Variants in PRSS53 observed in about 807,000 individuals in gnomAD.
PRSS53 encodes EDTP308.
Under a neutral mutation model 62.7 loss-of-function variants are expected in PRSS53, and 54 were observed. The observed-to-expected ratio is 0.86, with a 90% CI of 0.69 to 1.08. The LOEUF (loss-of-function observed/expected upper bound fraction) is 1.08, where lower values mean the gene tolerates loss of function less well. PRSS53 is among the 50% of genes least tolerant of loss of function. The pLI is 0.00. For synonymous variants in PRSS53, 273 were observed against 300.0 expected, an observed-to-expected ratio of 0.91 and a Z score of 0.93; for missense variants, 688 against 728.3, an observed-to-expected ratio of 0.94 and a Z score of 0.64.
At chr16:31,088,552 C>T (rs1481360824) in intron 1 of PRSS53, 200 bp downstream of exon 1, 5 of 1,434,846 alleles carry the variant, frequency 3.5e-6, no homozygotes, top group Non-Finnish European at 4.6e-6. Context: ...ACGCAAACTG[C>T]AGCTGGCCCG....
chr16:31,086,160 C>G (rs369984928), exon 6 of PRSS53: 1 of 1,611,998 alleles, frequency 6.2e-7, no homozygotes, highest in South Asian at 1.1e-5. Context: ...GCTCGAGGCA[C>G]AGCACAGGGC....
chr16:31,088,839 T>G (rs1469099718), exon 1 of PRSS53: 5 of 1,612,928 alleles, frequency 3.1e-6, no homozygotes, highest in Non-Finnish European at 4.2e-6. Context: ...CCACCTGTGC[T>G]CCACTCTGAG....
chr16:31,085,224 C>T (rs902359614), exon 7 of PRSS53: 2 of 1,599,440 alleles, frequency 1.3e-6, no homozygotes, highest in African/African-American at 1.3e-5. Context: ...GGAGGGTGCT[C>T]CTGCCTGGGG....
intron 9 of PRSS53, 106 bp downstream of exon 9, chr16:31,084,452 G>T: frequency 6.7e-7 from 1 of 1,494,330 alleles, no homozygotes; most frequent in Non-Finnish European, 9.0e-7. Flanking sequence ...CTTAGTTTCA[G>T]GTGGGAGGTG....
intron 10 of PRSS53, 149 bp from the exon 11 acceptor site, chr16:31,083,958 A>G: frequency 1.3e-6 from 2 of 1,508,672 alleles, no homozygotes; most frequent in Non-Finnish European, 1.8e-6. Context: ...AGCCTGCTCC[A>G]AGTCACACGA....
rs763187105 is a variant in PRSS53, at chr16:31,085,951, G to A, written c.883+13C>T. ...AGTGGCTTCTGCCCACTCCCAGCAT[G>A]CCCCACTCGTACCTACACAGCTGTC... On this transcript the variant is annotated intron_variant, in intron 6 of 10. Transcript: ENST00000280606. 3 of 1,600,498 alleles carry A rather than the reference G, an allele frequency of 1.9e-6. No individual in the cohort carries two copies. Among genetic ancestry groups the A allele is most frequent in the South Asian group, 2.2e-5 (2 of 90,846 alleles).
rs1286102429 is a variant in PRSS53 at position 31,088,264 on chromosome 16, AC to A, written c.59-439del. The A allele has an allele frequency of 2.7e-6, 3 of 1,131,824 alleles. No individual in the cohort carries two copies. The African/African-American group carries it at 4.8e-5, about 18-fold the overall frequency. The allele number at this position is 1,131,824 out of a possible 1,614,324, so 70.1% of individuals were successfully genotyped here. On this transcript the variant is annotated intron_variant, in intron 1 of 10. Coordinates refer to ENST00000280606, the Ensembl canonical transcript of PRSS53. ...GGAGGGCCCCAAGAAATGGAGACTT[AC>A]CTCACCCTGGTCTAGAGACTCAGTC...
In PRSS53 at chr16:31,087,902, G is replaced by A. The variant is rs547542056; in HGVS notation, c.59-76C>T. 6 of 1,590,036 alleles carry A rather than the reference G, an allele frequency of 3.8e-6. No homozygotes were observed. The East Asian group carries it at 1.4e-4, about 37-fold the overall frequency. ...CTTTGGGGAGGAGAGGGGATGGGCT[G>A]GGGGGCGGGCCCAGGGTCCTTGCCT... On this transcript the variant is annotated intron_variant, in intron 1 of 10. Transcript: ENST00000280606.
At chr16:31,085,172 C>T in exon 7 of PRSS53, 2 of 1,610,524 alleles carry the variant, frequency 1.2e-6, no homozygotes, top group Non-Finnish European at 1.7e-6. Flanking sequence ...CGCCACAGGC[C>T]AGCTGTCCCT....
chr16:31,083,500 A>G (rs2057192752), exon 11 of PRSS53: 2 of 1,333,482 alleles, frequency 1.5e-6, no homozygotes, highest in South Asian at 2.1e-5. Context: ...AAAAAAAGAA[A>G]TTTTCAAAAC....
chr16:31,084,923 C>G (rs1400836912), exon 8 of PRSS53: 1 of 1,543,718 alleles, frequency 6.5e-7, no homozygotes. Flanking sequence ...GTCGTAGCCC[C>G]CCTCAGGGTG....
Position 31,085,039 on chromosome 16 carries a change from T to C in PRSS53, c.1035-15A>G. 1 of 1,607,296 alleles carries C rather than the reference T, an allele frequency of 6.2e-7. No homozygotes were observed. The highest frequency in any genetic ancestry group is 1.1e-5 in the South Asian group (1 of 89,850). On this transcript the variant is annotated splice_polypyrimidine_tract_variant and intron_variant, in intron 7 of 10. Coordinates refer to ENST00000280606, the Ensembl canonical transcript of PRSS53. Reference sequence around the variant, plus strand: ...GGGCCTGGCGCCTGTGCAGAGGCAGTGTGGACGGCACCAGGTGACAGGGCT... The same window carrying C: ...GGGCCTGGCGCCTGTGCAGAGGCAGCGTGGACGGCACCAGGTGACAGGGCT...
chr16:31,086,927 G>A, intron 3 of PRSS53, 29 bp from the exon 4 acceptor site: 2 of 1,564,662 alleles, frequency 1.3e-6, no homozygotes, highest in Non-Finnish European at 1.7e-6. Flanking sequence ...GGTCCAGGCT[G>A]CTGAGTGCAA....
rs557225967 is a variant in PRSS53 at position 31,088,473 on chromosome 16, G to A, written c.58+279C>T. 2.8e-5 allele frequency: 37 copies of A among 1,314,736 alleles called. No individual in the cohort carries two copies. In the Admixed American group the frequency reaches 9.0e-4, roughly 32 times the overall value. 81.4% of individuals were successfully genotyped at this position (1,314,736 alleles called of 1,614,324 possible). The stretch of plus-strand genomic sequence containing the variant: ...TTTGCCTGACGTCATTGTGGAAGTC[G>A]AGGGGGAGGCAGGCACAGGACACAC... On this transcript the variant is annotated intron_variant, in intron 1 of 10. Coordinates refer to ENST00000280606, the Ensembl canonical transcript of PRSS53.
chr16:31,087,921 C>T (rs978715321), intron 1 of PRSS53, 95 bp from the exon 2 acceptor site: 2 of 1,570,022 alleles, frequency 1.3e-6, no homozygotes, highest in Non-Finnish European at 1.7e-6. Context: ...GCCCAGGGTC[C>T]TTGCCTGTGA....
chr16:31,086,278 A>T, intron 5 of PRSS53, 59 bp downstream of exon 5: 1 of 1,584,168 alleles, frequency 6.3e-7, no homozygotes, highest in Non-Finnish European at 8.6e-7. Flanking sequence ...CTGTGAGTCC[A>T]ACCCCCAGCC....
At chr16:31,083,727 C>T (rs1337502130) in exon 11 of PRSS53, 1 of 1,613,260 alleles carries the variant, frequency 6.2e-7, no homozygotes, top group African/African-American at 1.3e-5. Context: ...GTGGGGAGGA[C>T]AGGGGCAGTA....
chr16:31,083,725 G>A, exon 11 of PRSS53: 2 of 1,613,198 alleles, frequency 1.2e-6, no homozygotes, highest in Non-Finnish European at 1.7e-6. Flanking sequence ...GGGTGGGGAG[G>A]ACAGGGGCAG....
exon 6 of PRSS53, chr16:31,086,109 T>C (rs2057230684): frequency 6.2e-7 from 1 of 1,613,524 alleles, no homozygotes; most frequent in Admixed American, 1.7e-5. Context: ...CACAGCTTGA[T>C]GCAAAGCTGA....
Sources: gnomAD v4.1 joint callset for allele counts on GRCh38, gnomAD v4.1.1 for gene constraint, MANE v1.5 for transcripts, NCBI Gene and HGNC (gene_info 2026-07-23, HGNC 2026-07-21) for gene names.